FAM227B: variants seen among roughly 807,000 people sequenced by gnomAD.
FAM227B encodes the protein protein FAM227B.
A neutral mutation model predicts 73.8 loss-of-function variants in FAM227B; 88 were observed. The ratio of observed to expected loss-of-function variants is 1.19; its 90% CI spans 1.00 to 1.42. The LOEUF is 1.42. FAM227B is among the 40% of genes most tolerant of loss of function. The pLI is 0.00. For synonymous variants in FAM227B, 210 were observed against 190.5 expected, an observed-to-expected ratio of 1.10 and a Z score of -0.84; for missense variants, 632 against 590.9, an observed-to-expected ratio of 1.07 and a Z score of -0.72.
chr15:49,393,069 T>C (rs1446466333), intron 11 of FAM227B, among the ~76,000 whole-genome samples: 6 of 152,140 alleles, frequency 3.9e-5, no homozygotes, highest in Admixed American at 3.9e-4. Context: ...TGTAGAAGTA[T>C]AAAGTGGAGT....
chr15:49,402,818 T>C (rs1378364524), intron 11 of FAM227B, among the ~76,000 whole-genome samples: 1 of 152,198 alleles, frequency 6.6e-6, no homozygotes, highest in East Asian at 1.9e-4. Context: ...AATGCTATGT[T>C]GAATAGGAGT....
intron 13 of FAM227B, among the ~76,000 whole-genome samples, chr15:49,354,860 G>C (rs1232702603): frequency 6.6e-6 from 1 of 151,960 alleles, no homozygotes; most frequent in Admixed American, 6.6e-5. Context: ...TTTGAAGAGA[G>C]CAGTGGTTCT....
At chr15:49,548,472 G>A (rs2072286479) in intron 9 of FAM227B, among the ~76,000 whole-genome samples, 1 of 152,138 alleles carries the variant, frequency 6.6e-6, no homozygotes, top group Non-Finnish European at 1.5e-5. Flanking sequence ...ATACTGGTCT[G>A]TAGTTTTCTT....
intron 9 of FAM227B, among the ~76,000 whole-genome samples, chr15:49,555,747 T>C (rs2073596671): frequency 6.6e-6 from 1 of 152,224 alleles, no homozygotes; most frequent in South Asian, 2.1e-4. Context: ...TTCTTGTTCA[T>C]TGTTTTTTCT....
chr15:49,413,525 T>A (rs1403401078), intron 11 of FAM227B, among the ~76,000 whole-genome samples: 2 of 152,050 alleles, frequency 1.3e-5, no homozygotes, highest in Non-Finnish European at 2.9e-5. Flanking sequence ...CTCCTTTCCA[T>A]CTCCCTTACC....
intron 11 of FAM227B, among the ~76,000 whole-genome samples, chr15:49,507,010 G>A (rs963336454): frequency 1.3e-5 from 2 of 151,964 alleles, no homozygotes; most frequent in Admixed American, 1.3e-4. Context: ...AGGGTGAGAA[G>A]TCAAAACAGA....
intron 9 of FAM227B, among the ~76,000 whole-genome samples, chr15:49,553,062 TA>T (rs1261502525): frequency 3.3e-5 from 5 of 152,190 alleles, no homozygotes. Context: ...GTTAGGTATT[TA>T]TTGTAATATT....
At chr15:49,457,537 A>T (rs920713883) in intron 11 of FAM227B, among the ~76,000 whole-genome samples, 1 of 152,014 alleles carries the variant, frequency 6.6e-6, no homozygotes, top group African/African-American at 2.4e-5. Flanking sequence ...ATAAGTAACT[A>T]CATTATCAAA....
chr15:49,453,174 T>G (rs772487139), intron 11 of FAM227B, among the ~76,000 whole-genome samples: 1 of 152,162 alleles, frequency 6.6e-6, no homozygotes, highest in Non-Finnish European at 1.5e-5. Context: ...TAATAACAAC[T>G]GTATTTTTCT....
chr15:49,512,192 T>C (rs1303246221), intron 10 of FAM227B, among the ~76,000 whole-genome samples: 5 of 152,172 alleles, frequency 3.3e-5, no homozygotes, highest in Non-Finnish European at 7.4e-5. Flanking sequence ...TTCTAATGCA[T>C]TGCATTCAAT....
intron 9 of FAM227B, among the ~76,000 whole-genome samples, chr15:49,545,607 G>T (rs2071720379): frequency 6.6e-6 from 1 of 151,904 alleles, no homozygotes; most frequent in Admixed American, 6.6e-5. Context: ...GCTTTTTTAG[G>T]CTTTTTGATA....
rs2037738713 is a variant in FAM227B, at chr15:49,327,582, T to C, written c.*986A>G. On this transcript the variant is annotated 3_prime_UTR_variant, in exon 16 of 16. Transcript: ENST00000299338. ...GATTCAGGGTTGCCTACATTTCTTT[T>C]ACCATTGCCTGTTTTATCTTAACGC... 6.3e-6 allele frequency: 1 copy of C among 159,920 alleles called. No individual in the cohort carries two copies. The highest frequency in any genetic ancestry group is 2.4e-5 in the African/African-American group (1 of 41,732). 9.9% of individuals were successfully genotyped at this position (159,920 alleles called of 1,614,324 possible).
intron 11 of FAM227B, among the ~76,000 whole-genome samples, chr15:49,454,620 ATTTTTTTGAG>A (rs1182240318): frequency 1.3e-5 from 2 of 152,096 alleles, no homozygotes; most frequent in Admixed American, 1.3e-4. Flanking sequence ...TTTTTATATT[ATTTTTTTGAG>A]ACGAAGTCTC....
At chr15:49,515,802 T>C (rs1292122403) in intron 10 of FAM227B, among the ~76,000 whole-genome samples, 1 of 152,188 alleles carries the variant, frequency 6.6e-6, no homozygotes, top group African/African-American at 2.4e-5. Context: ...TTGTGCCTTC[T>C]TCTCAAAAAC....
intron 9 of FAM227B, among the ~76,000 whole-genome samples, chr15:49,542,467 C>A (rs72729176): frequency 0.11 from 16,183 of 151,826 alleles, 1,218 homozygotes; most frequent in East Asian, 0.36. Context: ...AGGCTTTTAT[C>A]CCTCATCTCC....
chr15:49,503,526 T>A (rs2058320915), intron 11 of FAM227B, among the ~76,000 whole-genome samples: 1 of 152,112 alleles, frequency 6.6e-6, no homozygotes, highest in Non-Finnish European at 1.5e-5. Flanking sequence ...AATCTACTCA[T>A]CTGACAAAGG....
intron 3 of FAM227B, 37 bp downstream of exon 3, chr15:49,611,178 T>C (rs1396246268): frequency 1.1e-5 from 14 of 1,237,278 alleles, no homozygotes; most frequent in Non-Finnish European, 1.4e-5. Context: ...TATTTTAAAA[T>C]GATGTAATGG....
chr15:49,521,795 AG>A (rs1411032257), intron 10 of FAM227B, among the ~76,000 whole-genome samples: 1 of 152,164 alleles, frequency 6.6e-6, no homozygotes, highest in African/African-American at 2.4e-5. Flanking sequence ...GCCCTATGAC[AG>A]GGGCATGATA....
intron 11 of FAM227B, among the ~76,000 whole-genome samples, chr15:49,386,676 CAAACA>C (rs2046904734): frequency 6.6e-6 from 1 of 151,290 alleles, no homozygotes; most frequent in Admixed American, 6.6e-5. Flanking sequence ...AAAATTCAAA[CAAACA>C]AAACAATACA....
Sources: allele counts gnomAD v4.1 joint callset (sites outside exome capture counted in the v4.1 genomes callset), GRCh38; gene constraint gnomAD v4.1.1; transcripts MANE v1.5; gene names NCBI Gene and HGNC (gene_info 2026-07-23, HGNC 2026-07-21).